The following DOP1B variants were observed in gnomAD, a reference collection of about 807,000 sequenced individuals.
The protein encoded by DOP1B is protein DOP1B.
A neutral mutation model predicts 233.5 loss-of-function variants in DOP1B; 174 were observed. The observed-to-expected ratio is 0.75, with a 90% CI of 0.66 to 0.85. DOP1B has a LOEUF of 0.85. Among genes scored for constraint, DOP1B ranks in the 40% least tolerant of loss-of-function variants. The probability of loss-of-function intolerance (pLI) is 0.00; values close to 1 mark genes in which losing one functional copy is unlikely to be tolerated. For missense variants in DOP1B, 2,652 were observed against 2,846.6 expected, an observed-to-expected ratio of 0.93 and a Z score of 1.56; for synonymous variants, 1,190 against 1,185.6, an observed-to-expected ratio of 1.00 and a Z score of -0.08.
At chr21:36,275,824 T>G (rs1340474081) in intron 27 of DOP1B, among the ~76,000 whole-genome samples, 1 of 152,086 alleles carries the variant, frequency 6.6e-6, no homozygotes, top group Non-Finnish European at 1.5e-5. Context: ...TGCATTCTTC[T>G]AGGTGAGTCC....
intron 16 of DOP1B, 99 bp downstream of exon 16, chr21:36,237,513 G>T: frequency 1.4e-6 from 2 of 1,452,180 alleles, no homozygotes; most frequent in Non-Finnish European, 1.9e-6. Context: ...GTCTTTCTGG[G>T]GCTGAGTGGA....
At chr21:36,293,194 A>G (rs2067578681) in intron 36 of DOP1B, 126 bp from the exon 37 acceptor site, 2 of 1,025,702 alleles carry the variant, frequency 1.9e-6, no homozygotes, top group Non-Finnish European at 1.4e-6. Flanking sequence ...CGACAGAGCA[A>G]GACTCTGTCT....
chr21:36,227,766 G>C lies in DOP1B; in HGVS notation c.1554G>C (p.Glu518Asp). The change falls in exon 13 of 37, where the codon GAG becomes GAC. Residue 518 changes from glutamate to aspartate, a missense_variant. Around this residue, in one of 3 missense-constraint regions of DOP1B, gnomAD observed 2,617 missense variants for 2,794.3 expected, o/e 0.94. Transcript: ENST00000691173. The stretch of plus-strand genomic sequence containing the variant: ...TGCAGCCTCTTGCTGAGGACATGGA[G>C]GCCTTAAGTTTACCTGAACTCACGC... The part of the protein sequence containing the change: ...CLVQPLAEDM[E>D]ALSLPELTHA... 1 of 1,613,726 alleles carries C rather than the reference G, an allele frequency of 6.2e-7. No individual in the cohort carries two copies. Among genetic ancestry groups the C allele is most frequent in the East Asian group, 2.2e-5 (1 of 44,856 alleles).
At position 36,208,748 on chromosome 21, in the gene DOP1B, G is replaced by A. The variant is rs745730357; in HGVS notation, c.525G>A (p.Val175=). 2 of 1,613,676 alleles carry A rather than the reference G, an allele frequency of 1.2e-6. No homozygotes were observed. The highest frequency in any genetic ancestry group is 1.7e-5 in the Admixed American group (1 of 59,970). Residue 175 remains valine (V), a synonymous_variant, in exon 5 of 37, where the codon GTG becomes GTA. Transcript: ENST00000691173. Reference sequence around the variant, plus strand: ...CTCTGCTCCTGAGACTGTCGCTGGTGGTTGGCAAAGAGGTGTTTTACACCG... The same window carrying A: ...CTCTGCTCCTGAGACTGTCGCTGGTAGTTGGCAAAGAGGTGTTTTACACCG... ...TDALLLRLSL[V]VGKEVFYTAL... is the part of the protein sequence containing the mutation.
intron 26 of DOP1B, among the ~76,000 whole-genome samples, chr21:36,268,130 T>TA (rs891710440): frequency 2.6e-5 from 4 of 152,134 alleles, no homozygotes; most frequent in African/African-American, 9.7e-5. Context: ...CCCACTCTAG[T>TA]AAGCCTGAGG....
intron 23 of DOP1B, among the ~76,000 whole-genome samples, chr21:36,260,239 GGA>G (rs1230984619): frequency 2.6e-4 from 27 of 105,514 alleles, no homozygotes; most frequent in African/African-American, 9.6e-4. Flanking sequence ...GGAAGGGAAG[GGA>G]GGAAGGGAGG....
chr21:36,225,865 A>G (rs1197780175), intron 12 of DOP1B, among the ~76,000 whole-genome samples, 198 bp downstream of exon 12: 2 of 152,220 alleles, frequency 1.3e-5, no homozygotes, highest in African/African-American at 2.4e-5. Context: ...AAAAGGGGCT[A>G]TAACTTTTGG....
intron 21 of DOP1B, among the ~76,000 whole-genome samples, chr21:36,249,807 C>T (rs536424841): frequency 6.6e-6 from 1 of 152,278 alleles, no homozygotes; most frequent in East Asian, 1.9e-4. Flanking sequence ...CAGGGATGAG[C>T]CTTGCCATCC....
intron 9 of DOP1B, 38 bp downstream of exon 9, chr21:36,214,594 A>G (rs1179308436): frequency 1.9e-6 from 3 of 1,541,032 alleles, no homozygotes; most frequent in Admixed American, 1.8e-5. Flanking sequence ...TATGCTGAAT[A>G]CAGATTACCT....
At chr21:36,202,522 A>G (rs915231564) in intron 4 of DOP1B, among the ~76,000 whole-genome samples, 1 of 152,314 alleles carries the variant, frequency 6.6e-6, no homozygotes, top group South Asian at 2.1e-4. Context: ...TCCAAGGTCC[A>G]TTTGCACGGC....
At chr21:36,174,872 C>T (rs1056754299) in intron 2 of DOP1B, among the ~76,000 whole-genome samples, 2 of 152,162 alleles carry the variant, frequency 1.3e-5, no homozygotes, top group African/African-American at 2.4e-5. Flanking sequence ...CACATAAATC[C>T]TCTTCAGCCT....
Position 36,251,258 on chromosome 21 carries a change from A to C in DOP1B, c.5095A>C (p.Lys1699Gln), listed in dbSNP as rs754541218. 5 of 1,613,918 alleles carry C rather than the reference A, an allele frequency of 3.1e-6. No homozygotes were observed. The highest frequency in any genetic ancestry group is 3.3e-5 in the Admixed American group (2 of 59,972). Residue 1699 changes from lysine to glutamine, a missense_variant, in exon 22 of 37, where the codon AAA (lysine) becomes CAA (glutamine). Physicochemically the swap from Lys to Gln is moderately conservative, Grantham distance 53. This residue lies in a region of DOP1B where 2,617 missense variants were observed against 2,794.3 expected (regional missense o/e 0.94). Coordinates refer to ENST00000691173, the MANE Select transcript of DOP1B (RefSeq NM_001320714.2). The stretch of plus-strand genomic sequence containing the variant: ...TGTTGCGGCAGTGTGGAGCAGAAAG[A>C]AAGCCCAGCGTCACAGTAAGATGAA... ...AAVAAVWSRK[K>Q]AQRHSKMKII...
At chr21:36,282,985 T>G (rs915926757) in intron 32 of DOP1B, among the ~76,000 whole-genome samples, 1 of 151,328 alleles carries the variant, frequency 6.6e-6, no homozygotes, top group Non-Finnish European at 1.5e-5. Flanking sequence ...ATAAATAAAT[T>G]GTTATTATTA....
intron 35 of DOP1B, 46 bp downstream of exon 35, chr21:36,289,252 G>GT (rs777980189): frequency 3.0e-5 from 47 of 1,587,206 alleles, no homozygotes; most frequent in Non-Finnish European, 3.4e-5. Flanking sequence ...AAGAGATTTT[G>GT]TTTTTTCCTT....
intron 2 of DOP1B, among the ~76,000 whole-genome samples, chr21:36,183,960 T>G (rs1013682035): frequency 1.1e-4 from 17 of 151,878 alleles, no homozygotes; most frequent in African/African-American, 3.6e-4. Flanking sequence ...GCCTCCCAGG[T>G]TCAAGCTATT....
intron 4 of DOP1B, among the ~76,000 whole-genome samples, chr21:36,204,869 G>A (rs953210032): frequency 6.6e-6 from 1 of 151,924 alleles, no homozygotes; most frequent in Non-Finnish European, 1.5e-5. Flanking sequence ...TGGCCAGGCT[G>A]GTCTTGAACT....
Position 36,245,125 on chromosome 21 carries a change from G to A in DOP1B, c.3145G>A (p.Gly1049Ser), listed in dbSNP as rs376539833. Residue 1049 changes from glycine (G) to serine (S), a missense_variant, in exon 19 of 37, where the codon GGC becomes AGC. Physicochemically the swap from Gly to Ser is moderately conservative, Grantham distance 56. This residue lies in a region of DOP1B where 2,617 missense variants were observed against 2,794.3 expected (regional missense o/e 0.94). Transcript: ENST00000691173. This position sits in a 1 kb window ranked among gnomAD's most constrained non-coding sequence, Gnocchi z 5.5. ...ACAVPEPQES[G>S]SEEHLPLSQF... Reference sequence around the variant, plus strand: ...CGCAGTGCCCGAGCCTCAGGAGAGCGGCTCTGAAGAGCACCTGCCTCTGAG... The same window carrying A: ...CGCAGTGCCCGAGCCTCAGGAGAGCAGCTCTGAAGAGCACCTGCCTCTGAG... 39 of 1,613,582 alleles carry A rather than the reference G, an allele frequency of 2.4e-5. No homozygotes were observed. Among genetic ancestry groups the A allele is most frequent in the Middle Eastern group, 1.6e-4 (1 of 6,082 alleles).
At chr21:36,172,996 T>C (rs2065987064) in intron 2 of DOP1B, among the ~76,000 whole-genome samples, 1 of 152,098 alleles carries the variant, frequency 6.6e-6, no homozygotes, top group Admixed American at 6.6e-5. Context: ...GGCGAATGCC[T>C]GTAGTCCCAG....
intron 17 of DOP1B, among the ~76,000 whole-genome samples, chr21:36,239,204 G>A (rs2066863218): frequency 6.6e-6 from 1 of 152,174 alleles, no homozygotes; most frequent in African/African-American, 2.4e-5. Flanking sequence ...GTGAACACAT[G>A]TTAGGAATTT....
Sources: allele counts gnomAD v4.1 joint callset (sites outside exome capture counted in the v4.1 genomes callset), GRCh38; gene constraint gnomAD v4.1.1; regional missense constraint gnomAD v4.1.1; non-coding constraint Gnocchi (gnomAD v3.1); transcripts MANE v1.5; gene names NCBI Gene and HGNC (gene_info 2026-07-23, HGNC 2026-07-21).